The following HNF4G variants were observed in gnomAD, a reference collection of about 807,000 sequenced individuals.
HNF4G encodes hepatocyte nuclear factor 4-gamma.
HNF4G carries 21 observed loss-of-function variants against 50.9 expected under a neutral mutation model. The observed-to-expected ratio is 0.41, with a 90% confidence interval of 0.29 to 0.59. The LOEUF (loss-of-function observed/expected upper bound fraction) is 0.59, where lower values mean the gene tolerates loss of function less well. Among genes scored for constraint, HNF4G ranks in the 20% least tolerant of loss-of-function variants. The probability of loss-of-function intolerance (pLI) is 0.26; values close to 1 mark genes in which losing one functional copy is unlikely to be tolerated. For missense variants in HNF4G, 527 were observed against 559.4 expected (o/e 0.94, Z 0.58); for synonymous variants, 198 against 185.6 (o/e 1.07, Z -0.54).
At chr8:75,486,071 G>C (rs1812490442) in intron 1 of HNF4G, among the ~76,000 whole-genome samples, 1 of 152,184 alleles carries the variant, frequency 6.6e-6, no homozygotes, top group African/African-American at 2.4e-5. Context: ...ATAGGGCCCA[G>C]TTTTATTCAG....
In HNF4G at chr8:75,558,999, T is replaced by C. The variant is rs1327045212; in HGVS notation, c.1085T>C (p.Val362Ala). The change falls in exon 8 of 10, where the codon GTT becomes GCT. Residue 362 changes from valine to alanine, a missense_variant. Transcript: ENST00000396423. Reference sequence around the variant, plus strand: ...CAGTTTGTTAAACTTTTTGGGATGGTTAAAATTGACAATCTACTTCAGGAA... The same window carrying C: ...CAGTTTGTTAAACTTTTTGGGATGGCTAAAATTGACAATCTACTTCAGGAA... ...QIQFVKLFGM[V>A]KIDNLLQEML... 1 of 1,611,404 alleles carries C rather than the reference T, an allele frequency of 6.2e-7. No individual in the cohort carries two copies. Among genetic ancestry groups the C allele is most frequent in the African/African-American group, 1.3e-5 (1 of 75,004 alleles).
intron 1 of HNF4G, among the ~76,000 whole-genome samples, chr8:75,485,621 C>T (rs1443483148): frequency 6.6e-6 from 1 of 152,128 alleles, no homozygotes; most frequent in Non-Finnish European, 1.5e-5. Context: ...GTATACCATC[C>T]AGTTTTAAAG....
At chr8:75,467,139 T>C (rs1175977499) in intron 1 of HNF4G, among the ~76,000 whole-genome samples, 1 of 152,200 alleles carries the variant, frequency 6.6e-6, no homozygotes, top group Non-Finnish European at 1.5e-5. Context: ...TGTAAGATGA[T>C]TTCTAGGTTT....
intron 2 of HNF4G, 35 bp from the exon 3 acceptor site, chr8:75,547,552 A>T (rs769204253): frequency 4.4e-6 from 6 of 1,360,560 alleles, no homozygotes; most frequent in Non-Finnish European, 6.3e-6. Context: ...TGTAAATTAT[A>T]GTTTTCTGCA....
In HNF4G at chr8:75,430,748, C is replaced by G. The variant is rs1810997526; in HGVS notation, c.-144+22586C>G. ...AAGCAAAAATCCTGTGACAAGAAAG[C>G]ACTTTAAATAAAGGTCCCACATAAC... On this transcript the variant is annotated intron_variant, in intron 1 of 10. Coordinates refer to the HNF4G transcript ENST00000354370. Among the ~76,000 whole-genome samples, 4 of 152,078 alleles carry G rather than the reference C, an allele frequency of 2.6e-5. 1 individual carries two copies. The South Asian group carries it at 8.3e-4, about 32-fold the overall frequency.
chr8:75,450,259 G>A (rs1206601927), intron 1 of HNF4G, among the ~76,000 whole-genome samples: 5 of 152,146 alleles, frequency 3.3e-5, no homozygotes, highest in Non-Finnish European at 7.3e-5. Context: ...ATTGATTGAT[G>A]GACACTTAGG....
upstream of HNF4G, among the ~76,000 whole-genome samples, chr8:75,535,425 G>T (rs984101330): frequency 5.3e-5 from 8 of 151,548 alleles, no homozygotes; most frequent in Admixed American, 1.3e-4. Context: ...CATTTATGTT[G>T]GGTAGAGTTC....
In HNF4G at chr8:75,426,908, C is replaced by G. The variant is rs112523133; in HGVS notation, c.-144+18746C>G. Among the ~76,000 whole-genome samples, 427 of 152,198 alleles carry G rather than the reference C, an allele frequency of 2.8e-3. 6 individuals carry two copies. The highest frequency in any genetic ancestry group is 9.8e-3 in the African/African-American group (408 of 41,524). On this transcript the variant is annotated intron_variant, in intron 1 of 10. Coordinates refer to the HNF4G transcript ENST00000354370. ...GTAACTCCATTTTCAGGCCTGGGAT[C>G]ATGATGGGGTTAGGGATAAATACAA...
chr8:75,435,388 A>C (rs1811111725), intron 1 of HNF4G, among the ~76,000 whole-genome samples: 1 of 152,196 alleles, frequency 6.6e-6, no homozygotes, highest in African/African-American at 2.4e-5. Context: ...CAACCTAAAA[A>C]TACAAGAGAC....
chr8:75,421,930 T>G (rs983740825), intron 1 of HNF4G, among the ~76,000 whole-genome samples: 4 of 152,054 alleles, frequency 2.6e-5, no homozygotes, highest in African/African-American at 9.7e-5. Context: ...TTTTTTCATT[T>G]GTTTGTTTCT....
At chr8:75,462,655 A>T (rs1026496086) in intron 1 of HNF4G, among the ~76,000 whole-genome samples, 11 of 152,154 alleles carry the variant, frequency 7.2e-5, no homozygotes, top group Non-Finnish European at 1.3e-4. Flanking sequence ...TTTAGTAGAG[A>T]AAAAATACAA....
chr8:75,562,888 C>T (rs1200298256), intron 9 of HNF4G, among the ~76,000 whole-genome samples: 1 of 152,096 alleles, frequency 6.6e-6, no homozygotes. Context: ...AAGGCTACTG[C>T]AGTCTTAGAT....
At chr8:75,544,843 T>C (rs1806728331) in intron 2 of HNF4G, among the ~76,000 whole-genome samples, 1 of 152,080 alleles carries the variant, frequency 6.6e-6, no homozygotes, top group African/African-American at 2.4e-5. Flanking sequence ...ACGTGTAGAA[T>C]TATGTTCTTT....
intron 1 of HNF4G, among the ~76,000 whole-genome samples, chr8:75,453,175 A>T (rs931241797): frequency 8.5e-5 from 13 of 152,252 alleles, no homozygotes; most frequent in African/African-American, 2.7e-4. Flanking sequence ...GAATGGCACC[A>T]AGACTAATTA....
intron 1 of HNF4G, among the ~76,000 whole-genome samples, chr8:75,464,415 C>T (rs762180182): frequency 1.3e-5 from 2 of 152,028 alleles, no homozygotes; most frequent in African/African-American, 4.8e-5. Flanking sequence ...TTGTTTCCTG[C>T]ACTAAATTTG....
chr8:75,477,032 A>G (rs956096608), intron 1 of HNF4G, among the ~76,000 whole-genome samples: 6 of 152,214 alleles, frequency 3.9e-5, no homozygotes, highest in African/African-American at 1.2e-4. Flanking sequence ...AAAACTGAGT[A>G]TTTAGCTTTA....
intron 1 of HNF4G, among the ~76,000 whole-genome samples, chr8:75,466,568 C>T (rs7836111): frequency 2.3e-5 from 3 of 130,916 alleles, no homozygotes; most frequent in Admixed American, 8.2e-5. Context: ...TCTCTTTTCT[C>T]GCTCCTTCCT....
At chr8:75,499,252 G>A (rs1255524299) in intron 2 of HNF4G, among the ~76,000 whole-genome samples, 6 of 151,764 alleles carry the variant, frequency 4.0e-5, no homozygotes, top group Non-Finnish European at 8.8e-5. Flanking sequence ...ACAGTCAGAA[G>A]GTGAAATAAG....
intron 2 of HNF4G, among the ~76,000 whole-genome samples, chr8:75,493,067 A>G (rs561062610): frequency 1.6e-4 from 25 of 152,272 alleles, no homozygotes; most frequent in East Asian, 3.9e-4. Context: ...ATGTAGTCAT[A>G]TACATATGAA....
Sources: gnomAD v4.1 joint callset for allele counts (sites outside exome capture counted in the v4.1 genomes callset) on GRCh38, gnomAD v4.1.1 for gene constraint, MANE v1.5 for transcripts, NCBI Gene and HGNC (gene_info 2026-07-23, HGNC 2026-07-21) for gene names.